ARID4B: variants seen among roughly 807,000 people sequenced by gnomAD.
The protein encoded by ARID4B is AT-rich interactive domain-containing protein 4B.
Under a neutral mutation model 147.5 loss-of-function variants are expected in ARID4B, and 26 were observed. That is an observed-to-expected ratio of 0.18 (90% CI 0.13 to 0.24). The LOEUF (loss-of-function observed/expected upper bound fraction) is 0.24, where lower values mean the gene tolerates loss of function less well. Ranked by LOEUF, ARID4B falls within the 10% of genes least tolerant of loss-of-function variation. The pLI is 1.00. For synonymous variants in ARID4B, 512 were observed against 507.9 expected, an observed-to-expected ratio of 1.01 and a Z score of -0.11; for missense variants, 1,179 against 1,511.5, an observed-to-expected ratio of 0.78 and a Z score of 3.65.
At position 235,328,145 on chromosome 1, in the gene ARID4B, G is replaced by C. The variant is rs890123955; in HGVS notation, c.-426C>G. On this transcript the variant is annotated 5_prime_UTR_variant, in exon 1 of 24. Coordinates refer to ENST00000264183, the MANE Select transcript of ARID4B (RefSeq NM_016374.6). ...AGAGTCTCCCTCCGCTTCGGCGACCGAGCTCCTCACTCCGGACTCGACTGA... is the reference window on the plus strand; with the variant it reads ...AGAGTCTCCCTCCGCTTCGGCGACCCAGCTCCTCACTCCGGACTCGACTGA... 1 of 153,084 alleles carries C rather than the reference G, an allele frequency of 6.5e-6. No individual in the cohort carries two copies. Among genetic ancestry groups the C allele is most frequent in the African/African-American group, 2.4e-5 (1 of 41,422 alleles). The allele number at this position is 153,084 out of a possible 1,614,324, so 9.5% of individuals were successfully genotyped here. A position where few individuals can be genotyped will look rare whatever the true frequency, so the allele number is the denominator to read the frequency against.
intron 17 of ARID4B, among the ~76,000 whole-genome samples, chr1:235,205,831 A>G (rs1361665230): frequency 1.3e-5 from 2 of 152,222 alleles, no homozygotes; most frequent in African/African-American, 4.8e-5. Context: ...GCAAATCAAA[A>G]AAGCACAATG....
chr1:235,198,990 T>G (rs570344431), intron 17 of ARID4B, among the ~76,000 whole-genome samples: 1 of 152,130 alleles, frequency 6.6e-6, no homozygotes, highest in African/African-American at 2.4e-5. Flanking sequence ...TCCTAGCTAC[T>G]CGGGAGGCTG....
intron 2 of ARID4B, among the ~76,000 whole-genome samples, chr1:235,261,464 G>C (rs527328659): frequency 1.3e-5 from 2 of 152,144 alleles, no homozygotes; most frequent in Admixed American, 1.3e-4. Context: ...GTCGAGACTC[G>C]AGTGAAAAGT....
At chr1:235,259,335 T>A (rs1265457697) in intron 3 of ARID4B, among the ~76,000 whole-genome samples, 1 of 152,192 alleles carries the variant, frequency 6.6e-6, no homozygotes, top group Non-Finnish European at 1.5e-5. Context: ...AAAGCATGGG[T>A]CCTGGAGTGA....
chr1:235,187,963 T>C (rs1180698864), intron 19 of ARID4B, among the ~76,000 whole-genome samples: 1 of 152,166 alleles, frequency 6.6e-6, no homozygotes, highest in Admixed American at 6.6e-5. Flanking sequence ...ATTCAGTAGA[T>C]GTGGATGTGC....
intron 8 of ARID4B, among the ~76,000 whole-genome samples, chr1:235,237,008 G>T (rs1431266591): frequency 6.8e-6 from 1 of 146,676 alleles, no homozygotes; most frequent in Non-Finnish European, 1.5e-5. Context: ...GAGTAGCTGG[G>T]ACTATAAGCA....
chr1:235,313,101 T>C (rs1674181269), intron 2 of ARID4B, among the ~76,000 whole-genome samples: 1 of 152,226 alleles, frequency 6.6e-6, no homozygotes, highest in African/African-American at 2.4e-5. Flanking sequence ...TGGAGTGCAG[T>C]GGTGCGATCT....
chr1:235,281,198 A>G (rs975616927), intron 2 of ARID4B, among the ~76,000 whole-genome samples: 3 of 151,920 alleles, frequency 2.0e-5, no homozygotes, highest in African/African-American at 7.2e-5. Context: ...AGGCGGGTGG[A>G]TCACTTGAGC....
chr1:235,257,249 C>A, intron 3 of ARID4B, 24 bp from the exon 4 acceptor site: 1 of 1,557,474 alleles, frequency 6.4e-7, no homozygotes, highest in Non-Finnish European at 8.8e-7. Flanking sequence ...GTTTAATTAG[C>A]CACCAAAAAT....
chr1:235,287,077 C>T (rs750387309), intron 2 of ARID4B, among the ~76,000 whole-genome samples: 3 of 152,164 alleles, frequency 2.0e-5, no homozygotes, highest in East Asian at 1.9e-4. Context: ...CTGGCTAACA[C>T]GGTGAAACCC....
intron 2 of ARID4B, among the ~76,000 whole-genome samples, chr1:235,305,373 A>G (rs1322400309): frequency 1.3e-5 from 2 of 152,226 alleles, no homozygotes; most frequent in Non-Finnish European, 2.9e-5. Flanking sequence ...ATACACACAT[A>G]AAAACACACA....
intron 2 of ARID4B, among the ~76,000 whole-genome samples, chr1:235,265,969 T>C (rs1025107979): frequency 1.3e-5 from 2 of 152,154 alleles, no homozygotes; most frequent in Non-Finnish European, 2.9e-5. Context: ...TAAGTCTATA[T>C]ACAAATGGGT....
Position 235,234,465 on chromosome 1 carries a change from T to A in ARID4B, c.613A>T (p.Ile205Phe). 6.2e-7 allele frequency: 1 copy of A among 1,607,246 alleles called. No homozygotes were observed. Among genetic ancestry groups the A allele is most frequent in the South Asian group, 1.1e-5 (1 of 90,322 alleles). Residue 205 changes from isoleucine to phenylalanine, a missense_variant, in exon 9 of 24, where the codon ATT (isoleucine) becomes TTT (phenylalanine). Ile to Phe is a conservative substitution (Grantham distance 21). Around this residue, in one of 10 missense-constraint regions of ARID4B, gnomAD observed 159 missense variants for 190.5 expected, o/e 0.83. Transcript: ENST00000264183. The stretch of plus-strand genomic sequence containing the variant: ...AGAATATTGTCCTTTTTTACAGCAA[T>A]CTCATCACTACAATCAGGACAAACC... ...LVVCPDCSDE[I>F]AVKKDNILVR...
At chr1:235,283,717 GA>G (rs1416945723) in intron 2 of ARID4B, among the ~76,000 whole-genome samples, 1 of 152,018 alleles carries the variant, frequency 6.6e-6, no homozygotes, top group East Asian at 1.9e-4. Flanking sequence ...TAAAGAAAAT[GA>G]AACCAATCCT....
intron 23 of ARID4B, among the ~76,000 whole-genome samples, chr1:235,172,314 C>T (rs1288466949): frequency 6.6e-6 from 1 of 152,268 alleles, no homozygotes; most frequent in Non-Finnish European, 1.5e-5. Flanking sequence ...TCTTGGCTCA[C>T]GCCTGTAATC....
chr1:235,195,915 C>A, intron 18 of ARID4B, 116 bp downstream of exon 18: 1 of 659,210 alleles, frequency 1.5e-6, no homozygotes. Context: ...ACAAATCTAG[C>A]ATTTGAAAAA....
intron 2 of ARID4B, among the ~76,000 whole-genome samples, chr1:235,272,062 A>C (rs2103148300): frequency 6.6e-6 from 1 of 152,334 alleles, no homozygotes; most frequent in Non-Finnish European, 1.5e-5. Context: ...AAGAAACATC[A>C]ATCTTTAATC....
At chr1:235,177,530 G>T in intron 21 of ARID4B, 1 of 249,482 alleles carries the variant, frequency 4.0e-6, no homozygotes, top group Non-Finnish European at 7.6e-6. Flanking sequence ...CAATGTGCAG[G>T]TTTGTTACAT....
intron 2 of ARID4B, among the ~76,000 whole-genome samples, chr1:235,287,214 G>A (rs191402153): frequency 6.6e-5 from 10 of 152,262 alleles, no homozygotes; most frequent in Admixed American, 5.2e-4. Flanking sequence ...AGCCAAGATC[G>A]TGCCACTGCA....
Sources: gnomAD v4.1 joint callset for allele counts (sites outside exome capture counted in the v4.1 genomes callset) on GRCh38, gnomAD v4.1.1 for gene constraint, gnomAD v4.1.1 regional missense constraint, MANE v1.5 for transcripts, NCBI Gene and HGNC (gene_info 2026-07-23, HGNC 2026-07-21) for gene names.